Variants in CSMD1 observed in about 807,000 individuals in gnomAD.
The protein encoded by CSMD1 is CUB and Sushi multiple domains 1.
In CSMD1, 213 loss-of-function variants were observed where a neutral mutation model predicts 417.5. The observed-to-expected ratio is 0.51, with a 90% CI of 0.46 to 0.57. The LOEUF (loss-of-function observed/expected upper bound fraction) is 0.57, where lower values mean the gene tolerates loss of function less well. Among genes scored for constraint, CSMD1 ranks in the 20% least tolerant of loss-of-function variants. The pLI is 0.00. For missense variants in CSMD1, 6,923 were observed against 4,529.7 expected (o/e 1.53, Z -15.17); for synonymous variants, 2,862 against 1,736.8 (o/e 1.65, Z -16.11).
At chr8:3,520,538 G>A (rs781426589) in intron 10 of CSMD1, among the ~76,000 whole-genome samples, 1 of 152,148 alleles carries the variant, frequency 6.6e-6, no homozygotes, top group African/African-American at 2.4e-5. Flanking sequence ...TAGCTTGGTT[G>A]TCAAATCCCA....
intron 3 of CSMD1, among the ~76,000 whole-genome samples, chr8:4,361,809 G>T (rs967005648): frequency 3.3e-5 from 5 of 152,006 alleles, no homozygotes; most frequent in African/African-American, 9.7e-5. Context: ...CAAAAAACTA[G>T]CCAGGCGTGG....
intron 3 of CSMD1, among the ~76,000 whole-genome samples, chr8:4,173,735 A>C (rs1331080980): frequency 6.6e-6 from 1 of 152,144 alleles, no homozygotes; most frequent in Admixed American, 6.5e-5. Context: ...ATTTTTTGTC[A>C]TTAATAAAAA....
intron 3 of CSMD1, among the ~76,000 whole-genome samples, chr8:4,164,488 G>T (rs532547254): frequency 6.6e-6 from 1 of 151,942 alleles, no homozygotes; most frequent in Non-Finnish European, 1.5e-5. Flanking sequence ...CTAATCAAAC[G>T]CAATGCCAGC....
chr8:3,859,544 G>C (rs754941389), intron 5 of CSMD1, among the ~76,000 whole-genome samples: 2 of 152,098 alleles, frequency 1.3e-5, no homozygotes, highest in Non-Finnish European at 2.9e-5. Flanking sequence ...TCAGGGCGAG[G>C]CTAACTACAT....
chr8:3,603,638 G>C (rs1314180557), intron 8 of CSMD1, among the ~76,000 whole-genome samples: 1 of 152,150 alleles, frequency 6.6e-6, no homozygotes. Context: ...ATGTCACAAA[G>C]GGGATTTTTT....
chr8:4,575,204 A>T (rs1022167056), intron 2 of CSMD1, among the ~76,000 whole-genome samples: 6 of 152,244 alleles, frequency 3.9e-5, no homozygotes, highest in Non-Finnish European at 8.8e-5. Flanking sequence ...TTCCAAGGTT[A>T]CTATAATTCT....
chr8:3,744,205 G>C (rs1461812352), intron 6 of CSMD1, among the ~76,000 whole-genome samples: 2 of 152,192 alleles, frequency 1.3e-5, no homozygotes, highest in East Asian at 1.9e-4. Flanking sequence ...TGAGGACAGG[G>C]ATGACGTGTT....
intron 10 of CSMD1, among the ~76,000 whole-genome samples, chr8:3,540,834 C>A (rs186902910): frequency 6.6e-6 from 1 of 152,180 alleles, no homozygotes; most frequent in Admixed American, 6.5e-5. Flanking sequence ...ACAATGAGAT[C>A]ATTTCATGCC....
At chr8:4,714,906 A>G (rs541027473) in intron 1 of CSMD1, among the ~76,000 whole-genome samples, 11 of 152,216 alleles carry the variant, frequency 7.2e-5, no homozygotes, top group Non-Finnish European at 1.6e-4. Context: ...TAATTTGACT[A>G]TGATCCATAG....
At chr8:4,784,376 C>T (rs1263853382) in intron 1 of CSMD1, among the ~76,000 whole-genome samples, 6 of 152,272 alleles carry the variant, frequency 3.9e-5, no homozygotes, top group South Asian at 2.1e-4. Flanking sequence ...ATGAACTGTG[C>T]TACCTTGTAA....
At chr8:3,898,571 T>C (rs1451705435) in intron 5 of CSMD1, among the ~76,000 whole-genome samples, 1 of 152,214 alleles carries the variant, frequency 6.6e-6, no homozygotes, top group East Asian at 1.9e-4. Context: ...TGTAATGGAA[T>C]ATGAAGATAG....
At chr8:3,378,715 C>T (rs1023401779) in intron 18 of CSMD1, among the ~76,000 whole-genome samples, 2 of 152,132 alleles carry the variant, frequency 1.3e-5, no homozygotes. Flanking sequence ...ATGCTAAAAA[C>T]TCTCAATAAA....
chr8:3,648,118 G>C (rs567487262), intron 7 of CSMD1, among the ~76,000 whole-genome samples: 36 of 152,306 alleles, frequency 2.4e-4, no homozygotes, highest in African/African-American at 8.4e-4. Flanking sequence ...CCTAAAAACA[G>C]AACCTACCAC....
intron 52 of CSMD1, among the ~76,000 whole-genome samples, chr8:3,000,687 T>G (rs113640088): frequency 6.6e-6 from 1 of 152,124 alleles, no homozygotes; most frequent in Non-Finnish European, 1.5e-5. Context: ...CTGGAATCAG[T>G]TGAAAAGAGA....
intron 51 of CSMD1, among the ~76,000 whole-genome samples, chr8:3,023,832 T>C (rs1809637334): frequency 1.4e-5 from 2 of 147,640 alleles, no homozygotes; most frequent in Non-Finnish European, 3.0e-5. Flanking sequence ...GCAGGGCCAC[T>C]CTAAAATGAA....
At chr8:2,970,277 T>A (rs1256800610) in intron 57 of CSMD1, among the ~76,000 whole-genome samples, 1 of 152,166 alleles carries the variant, frequency 6.6e-6, no homozygotes, top group Non-Finnish European at 1.5e-5. Context: ...TGTTATAATT[T>A]TGTTCATCTT....
intron 2 of CSMD1, among the ~76,000 whole-genome samples, chr8:4,422,377 A>G (rs963915435): frequency 6.6e-6 from 1 of 152,046 alleles, no homozygotes; most frequent in Non-Finnish European, 1.5e-5. Flanking sequence ...ACATAACTAG[A>G]TTTGGAAATG....
At chr8:4,336,072 A>C (rs1339728092) in intron 3 of CSMD1, among the ~76,000 whole-genome samples, 2 of 152,114 alleles carry the variant, frequency 1.3e-5, no homozygotes, top group Non-Finnish European at 2.9e-5. Context: ...ATTAAGTTCC[A>C]CAAGACAATC....
intron 26 of CSMD1, among the ~76,000 whole-genome samples, chr8:3,249,977 G>C (rs970777539): frequency 7.2e-5 from 11 of 152,210 alleles, no homozygotes; most frequent in African/African-American, 1.9e-4. Flanking sequence ...AAAAACTAGT[G>C]AACAGTATTT....
Sources: allele counts gnomAD v4.1 joint callset (sites outside exome capture counted in the v4.1 genomes callset), GRCh38; gene constraint gnomAD v4.1.1; transcripts MANE v1.5; gene names NCBI Gene and HGNC (gene_info 2026-07-23, HGNC 2026-07-21).